Variants in PRMT8 observed in about 807,000 individuals in gnomAD.
The protein encoded by PRMT8 is protein arginine methyltransferase 8.
PRMT8 carries 7 observed loss-of-function variants against 47.1 expected under a neutral mutation model. That is an observed-to-expected ratio of 0.15 (90% CI 0.08 to 0.28). The LOEUF (loss-of-function observed/expected upper bound fraction) is 0.28, where lower values mean the gene tolerates loss of function less well. PRMT8 is among the 10% of genes least tolerant of loss of function. The pLI, the probability that PRMT8 is intolerant of heterozygous loss-of-function variation, is 1.00. For missense variants in PRMT8, 237 were observed against 505.4 expected, an observed-to-expected ratio of 0.47 and a Z score of 5.09; for synonymous variants, 188 against 186.5, an observed-to-expected ratio of 1.01 and a Z score of -0.07.
At chr12:3,537,867 C>T (rs779192957) in intron 1 of PRMT8, among the ~76,000 whole-genome samples, 2 of 152,182 alleles carry the variant, frequency 1.3e-5, no homozygotes, top group East Asian at 1.9e-4. Context: ...TACTTTGCCT[C>T]TCTTCCATTC....
At chr12:3,399,340 A>G (rs1264755937) in intron 1 of PRMT8, among the ~76,000 whole-genome samples, 1 of 152,228 alleles carries the variant, frequency 6.6e-6, no homozygotes, top group Non-Finnish European at 1.5e-5. Flanking sequence ...AGAGTGGTTC[A>G]GAGAATCCCC....
chr12:3,507,118 C>CTTTTTTT (rs72188443), intron 1 of PRMT8, among the ~76,000 whole-genome samples: 2 of 122,572 alleles, frequency 1.6e-5, no homozygotes, highest in African/African-American at 3.1e-5. Flanking sequence ...GGTGGCCTTT[C>CTTTTTTT]TTTTTTTTTT....
chr12:3,537,989 G>A lies in PRMT8; in HGVS notation c.76-2617G>A, dbSNP rs749386284. Reference sequence around the variant, plus strand: ...GGTTACAAACCGGCAATAGCTCCCCGTTGTCTTTTGTATTTAATTACGACC... The same window carrying A: ...GGTTACAAACCGGCAATAGCTCCCCATTGTCTTTTGTATTTAATTACGACC... On this transcript the variant is annotated intron_variant, in intron 1 of 9. Transcript: ENST00000382622. 5.3e-5 allele frequency among the ~76,000 whole-genome samples: 8 copies of A among 152,086 alleles called. 1 individual carries two copies. Among genetic ancestry groups the A allele is most frequent in the South Asian group, 4.1e-4 (2 of 4,820 alleles).
chr12:3,532,510 G>A (rs1866047305), intron 1 of PRMT8, among the ~76,000 whole-genome samples: 1 of 146,956 alleles, frequency 6.8e-6, no homozygotes, highest in Admixed American at 6.9e-5. Context: ...TACTTGGGAG[G>A]CTAAGGCAGG....
rs900648761 is a variant in PRMT8, at chr12:3,493,333, C to T, written c.75+1633C>T. On this transcript the variant is annotated intron_variant, in intron 1 of 9. Coordinates refer to ENST00000382622, the MANE Select transcript of PRMT8 (RefSeq NM_019854.5). The surrounding 1 kb of genome is among the most constrained non-coding windows in gnomAD (Gnocchi z 8.2). The stretch of plus-strand genomic sequence containing the variant: ...CCCTCACCCTCCGCCCTCTGATCGC[C>T]CACCCGCCGAAAGGGTTTCTAAAAA... Among the ~76,000 whole-genome samples the T allele has an allele frequency of 3.9e-5, 6 of 152,166 alleles. No individual in the cohort carries two copies. The highest frequency in any genetic ancestry group is 7.4e-5 in the Non-Finnish European group (5 of 68,016).
rs1255824532 is a variant in PRMT8, at chr12:3,552,798, G to A, written c.418-853G>A. On this transcript the variant is annotated intron_variant, in intron 3 of 9. Transcript: ENST00000382622. The surrounding 1 kb of genome is among the most constrained non-coding windows in gnomAD (Gnocchi z 4.5). ...TCTCAAGGGAATGGTCCCTGCCCGA[G>A]GCCTGGGGGTAGTCTGAGGGGCCCC... The A allele has an allele frequency of 2.1e-6, 1 of 465,582 alleles. No homozygotes were observed. The allele number at this position is 465,582 out of a possible 1,614,324, so 28.8% of individuals were successfully genotyped here.
intron 1 of PRMT8, among the ~76,000 whole-genome samples, chr12:3,510,953 A>G (rs1865703889): frequency 6.6e-6 from 1 of 152,184 alleles, no homozygotes; most frequent in Admixed American, 6.5e-5. Context: ...GTCAAGAATC[A>G]AGAGCCAGAA....
At chr12:3,575,564 C>G (rs924378797) in intron 6 of PRMT8, among the ~76,000 whole-genome samples, 6 of 152,212 alleles carry the variant, frequency 3.9e-5, no homozygotes, top group Non-Finnish European at 4.4e-5. Context: ...CCCTCGCCCC[C>G]CTGTTTCCCT....
At position 3,573,768 on chromosome 12, in the gene PRMT8, G is replaced by A. The variant is rs144626114; in HGVS notation, c.713-3103G>A. 6.7e-3 allele frequency among the ~76,000 whole-genome samples: 1,021 copies of A among 152,138 alleles called. 12 individuals are homozygous for A. Among genetic ancestry groups the A allele is most frequent in the Middle Eastern group, 0.024 (7 of 294 alleles). ...AGTCTGTTTTCATCCATTAACAAAA[G>A]CTTCACAGGCCTCTCTGATATTATT... On this transcript the variant is annotated intron_variant, in intron 6 of 9. Coordinates refer to ENST00000382622, the MANE Select transcript of PRMT8 (RefSeq NM_019854.5).
chr12:3,427,013 A>C (rs190948719), intron 1 of PRMT8, among the ~76,000 whole-genome samples: 187 of 152,156 alleles, frequency 1.2e-3, no homozygotes, highest in African/African-American at 4.4e-3. Context: ...ATTTTTAAGA[A>C]ATTGACCTTT....
At chr12:3,521,416 A>G (rs1865879860) in intron 1 of PRMT8, among the ~76,000 whole-genome samples, 1 of 152,134 alleles carries the variant, frequency 6.6e-6, no homozygotes, top group Non-Finnish European at 1.5e-5. Flanking sequence ...TCTACTAAAA[A>G]TACAAAAATT....
chr12:3,491,622 T>C lies in PRMT8; in HGVS notation c.-4T>C, dbSNP rs1273643329. Reference sequence around the variant, plus strand: ...TCGGTATCACCAAACCCTTGCCGGCTCTTATGGGCATGAAACACTCCTCCC... The same window carrying C: ...TCGGTATCACCAAACCCTTGCCGGCCCTTATGGGCATGAAACACTCCTCCC... On this transcript the variant is annotated 5_prime_UTR_variant, in exon 1 of 10. Transcript: ENST00000382622. 3 of 1,611,570 alleles carry C rather than the reference T, an allele frequency of 1.9e-6. No homozygotes were observed. Among genetic ancestry groups the C allele is most frequent in the African/African-American group, 1.3e-5 (1 of 74,586 alleles).
At chr12:3,567,838 C>G (rs553555136) in intron 4 of PRMT8, among the ~76,000 whole-genome samples, 2 of 152,114 alleles carry the variant, frequency 1.3e-5, no homozygotes, top group Admixed American at 6.5e-5. Context: ...CTTTGGGAGG[C>G]CGAGGCGGGT....
chr12:3,484,637 T>C (rs1865305432), intron 1 of PRMT8, among the ~76,000 whole-genome samples: 1 of 152,244 alleles, frequency 6.6e-6, no homozygotes, highest in African/African-American at 2.4e-5. Flanking sequence ...TTAAGCTGTT[T>C]GTACACAGAT....
At chr12:3,430,316 A>G (rs1006972322) in intron 1 of PRMT8, among the ~76,000 whole-genome samples, 10 of 152,340 alleles carry the variant, frequency 6.6e-5, no homozygotes, top group African/African-American at 2.4e-4. Flanking sequence ...TACCAGGCCC[A>G]GGGCACAGTG....
At chr12:3,518,336 A>G (rs923954044) in intron 1 of PRMT8, among the ~76,000 whole-genome samples, 5 of 151,888 alleles carry the variant, frequency 3.3e-5, no homozygotes, top group Admixed American at 2.0e-4. Flanking sequence ...AGAAGCCTCT[A>G]TGGGACAGGG....
At chr12:3,437,367 T>C (rs1864754970) in intron 1 of PRMT8, among the ~76,000 whole-genome samples, 1 of 151,972 alleles carries the variant, frequency 6.6e-6, no homozygotes, top group Admixed American at 6.6e-5. Flanking sequence ...TTTTATTTTA[T>C]TTTAAACTTT....
At chr12:3,561,548 T>G (rs1464847052) in intron 4 of PRMT8, among the ~76,000 whole-genome samples, 1 of 152,184 alleles carries the variant, frequency 6.6e-6, no homozygotes, top group Non-Finnish European at 1.5e-5. Flanking sequence ...CGGTTTGTGA[T>G]GGGTGTCCTA....
chr12:3,505,085 G>T (rs1048328899), intron 1 of PRMT8, among the ~76,000 whole-genome samples: 1 of 142,926 alleles, frequency 7.0e-6, no homozygotes, highest in Non-Finnish European at 1.5e-5. Flanking sequence ...ACACACACTG[G>T]CCTGCGCCCA....
Sources: allele counts gnomAD v4.1 joint callset (sites outside exome capture counted in the v4.1 genomes callset), GRCh38; gene constraint gnomAD v4.1.1; non-coding constraint Gnocchi (gnomAD v3.1); transcripts MANE v1.5; gene names NCBI Gene and HGNC (gene_info 2026-07-23, HGNC 2026-07-21).